The following ESYT2 variants were observed in gnomAD, a reference collection of about 807,000 sequenced individuals.
The protein encoded by ESYT2 is extended synaptotagmin 2.
Under a neutral mutation model 107.2 loss-of-function variants are expected in ESYT2, and 54 were observed. That is an observed-to-expected ratio of 0.50 (90% CI 0.40 to 0.63). The LOEUF (loss-of-function observed/expected upper bound fraction) is 0.63. Ranked by LOEUF, ESYT2 falls within the 30% of genes least tolerant of loss-of-function variation. The pLI is 0.00. For missense variants in ESYT2, 1,020 were observed against 1,094.5 expected, an observed-to-expected ratio of 0.93 and a Z score of 0.96; for synonymous variants, 491 against 434.1, an observed-to-expected ratio of 1.13 and a Z score of -1.63.
At chr7:158,804,525 GCGCGACAAACCCAAA>G (rs1839763349) in intron 1 of ESYT2, among the ~76,000 whole-genome samples, 2 of 146,840 alleles carry the variant, frequency 1.4e-5, no homozygotes. Flanking sequence ...AAAGTGAGGC[GCGCGACAAACCCAAA>G]CTGCCGAGAA....
chr7:158,784,433 C>A (rs1055746541), intron 6 of ESYT2, among the ~76,000 whole-genome samples: 1 of 152,218 alleles, frequency 6.6e-6, no homozygotes, highest in African/African-American at 2.4e-5. Context: ...AGCCTGTAAT[C>A]CCAGTACTCT....
At chr7:158,802,957 A>G (rs923675196) in intron 1 of ESYT2, among the ~76,000 whole-genome samples, 7 of 152,276 alleles carry the variant, frequency 4.6e-5, no homozygotes, top group African/African-American at 1.2e-4. Context: ...TCAATGCTGC[A>G]TAACCCTTTA....
At chr7:158,803,565 G>A (rs1055912645) in intron 1 of ESYT2, among the ~76,000 whole-genome samples, 5 of 152,198 alleles carry the variant, frequency 3.3e-5, no homozygotes, top group African/African-American at 1.2e-4. Flanking sequence ...TATTTAAAAT[G>A]TTTTATATTG....
At chr7:158,738,696 G>A (rs1001061598) in intron 19 of ESYT2, among the ~76,000 whole-genome samples, 1 of 152,032 alleles carries the variant, frequency 6.6e-6, no homozygotes. Context: ...CAGGTGATCT[G>A]CCCACCTCAG....
chr7:158,741,125 G>A (rs1837185188), intron 18 of ESYT2, among the ~76,000 whole-genome samples: 1 of 152,206 alleles, frequency 6.6e-6, no homozygotes, highest in African/African-American at 2.4e-5. Context: ...ACGTGAAAGA[G>A]CAGGTCTGTC....
chr7:158,756,816 G>A (rs1464247098), intron 13 of ESYT2, among the ~76,000 whole-genome samples: 2 of 151,374 alleles, frequency 1.3e-5, no homozygotes, highest in Non-Finnish European at 2.9e-5. Flanking sequence ...GGCTGAGGCA[G>A]GAGAATCACT....
intron 3 of ESYT2, among the ~76,000 whole-genome samples, chr7:158,796,759 A>G (rs1484495041): frequency 6.6e-6 from 1 of 151,824 alleles, no homozygotes; most frequent in Non-Finnish European, 1.5e-5. Flanking sequence ...ACGGTCTCCC[A>G]GGAGAGACGG....
At chr7:158,794,343 A>C (rs1382538110) in intron 3 of ESYT2, among the ~76,000 whole-genome samples, 1 of 152,116 alleles carries the variant, frequency 6.6e-6, no homozygotes, top group Non-Finnish European at 1.5e-5. Context: ...AAAGTAAAAA[A>C]AATTAGCTAA....
chr7:158,782,606 G>A (rs913514822), intron 6 of ESYT2, among the ~76,000 whole-genome samples: 4 of 151,570 alleles, frequency 2.6e-5, no homozygotes, highest in Admixed American at 6.6e-5. Context: ...GAACAAGAGC[G>A]TGTGACAAAT....
chr7:158,787,355 T>C (rs986896450), intron 6 of ESYT2, among the ~76,000 whole-genome samples: 4 of 152,164 alleles, frequency 2.6e-5, no homozygotes, highest in Non-Finnish European at 4.4e-5. Context: ...AACGCAAATA[T>C]TACAAAACCT....
intron 1 of ESYT2, among the ~76,000 whole-genome samples, chr7:158,818,945 C>A (rs1840217964): frequency 6.6e-6 from 1 of 152,226 alleles, no homozygotes; most frequent in South Asian, 2.1e-4. Context: ...CGGGCCCTGG[C>A]CACATGACTG....
At chr7:158,767,374 C>T (rs1838199251) in intron 8 of ESYT2, among the ~76,000 whole-genome samples, 1 of 152,168 alleles carries the variant, frequency 6.6e-6, no homozygotes, top group Non-Finnish European at 1.5e-5. Context: ...ATGTCCGTGC[C>T]ATGTACCCCT....
intron 6 of ESYT2, among the ~76,000 whole-genome samples, chr7:158,780,938 ATGTG>A (rs1376170475): frequency 1.3e-5 from 2 of 152,206 alleles, no homozygotes; most frequent in African/African-American, 4.8e-5. Context: ...ATGAGTGAGA[ATGTG>A]TGTGAGACAA....
chr7:158,778,700 T>C (rs987558883), intron 6 of ESYT2, among the ~76,000 whole-genome samples: 5 of 152,318 alleles, frequency 3.3e-5, no homozygotes, highest in African/African-American at 9.6e-5. Context: ...ATCAGCCTTT[T>C]GCGGGATGCA....
intron 10 of ESYT2, 115 bp from the exon 11 acceptor site, chr7:158,761,659 G>T (rs112256358): frequency 1.1e-6 from 1 of 882,852 alleles, no homozygotes; most frequent in African/African-American, 1.7e-5. Flanking sequence ...ATTTGTCTAT[G>T]AACAAGCACT....
chr7:158,800,562 T>TA (rs112362314), intron 1 of ESYT2, among the ~76,000 whole-genome samples: 2 of 151,936 alleles, frequency 1.3e-5, no homozygotes, highest in African/African-American at 2.4e-5. Flanking sequence ...GGCTAATTTT[T>TA]AAATTTTTTT....
chr7:158,740,431 C>T (rs767147844), intron 18 of ESYT2, among the ~76,000 whole-genome samples: 2 of 152,206 alleles, frequency 1.3e-5, no homozygotes, highest in Non-Finnish European at 2.9e-5. Context: ...TTACAAGCAT[C>T]AGCCCTGTGG....
At chr7:158,752,898 G>C in intron 13 of ESYT2, 55 bp from the exon 14 acceptor site, 1 of 1,141,872 alleles carries the variant, frequency 8.8e-7, no homozygotes, top group Non-Finnish European at 1.2e-6. Flanking sequence ...ATGCAATGAA[G>C]TTTATGTAAG....
chr7:158,795,925 G>A (rs1307121050), intron 3 of ESYT2, among the ~76,000 whole-genome samples: 1 of 152,188 alleles, frequency 6.6e-6, no homozygotes, highest in Non-Finnish European at 1.5e-5. Flanking sequence ...CTGCACAGGA[G>A]GCACGGGGTC....
Sources: allele counts gnomAD v4.1 joint callset (sites outside exome capture counted in the v4.1 genomes callset), GRCh38; gene constraint gnomAD v4.1.1; transcripts MANE v1.5; gene names NCBI Gene and HGNC (gene_info 2026-07-23, HGNC 2026-07-21).